Variants in RGS6 observed in about 807,000 individuals in gnomAD.
RGS6 encodes regulator of G protein signaling 6, also known as regulator of G-protein signaling 6.
In RGS6, 30 loss-of-function variants were observed where a neutral mutation model predicts 78.5. The ratio of observed to expected loss-of-function variants is 0.38; its 90% CI spans 0.29 to 0.52. RGS6 has a LOEUF of 0.52. Among genes scored for constraint, RGS6 ranks in the 20% least tolerant of loss-of-function variants. The pLI is 0.85. For synonymous variants in RGS6, 206 were observed against 206.0 expected (o/e 1.00, Z 0.00); for missense variants, 495 against 609.7 (o/e 0.81, Z 1.98).
At chr14:72,043,139 A>G (rs1438292654) in intron 2 of RGS6, among the ~76,000 whole-genome samples, 1 of 152,018 alleles carries the variant, frequency 6.6e-6, no homozygotes, top group Non-Finnish European at 1.5e-5. Flanking sequence ...TTTATTTATT[A>G]AGGGTGTTAA....
chr14:72,262,579 G>A (rs772939172), intron 2 of RGS6, among the ~76,000 whole-genome samples: 1 of 152,126 alleles, frequency 6.6e-6, no homozygotes, highest in Non-Finnish European at 1.5e-5. Flanking sequence ...ATAAATTTGG[G>A]GGCCTGGGGA....
At chr14:72,358,496 A>G (rs758622465) in intron 3 of RGS6, among the ~76,000 whole-genome samples, 2 of 152,266 alleles carry the variant, frequency 1.3e-5, no homozygotes, top group Non-Finnish European at 2.9e-5. Flanking sequence ...CATCAGCATA[A>G]CATGGGTGTG....
chr14:72,220,424 G>T (rs895789284), intron 2 of RGS6, among the ~76,000 whole-genome samples: 1 of 152,160 alleles, frequency 6.6e-6, no homozygotes, highest in South Asian at 2.1e-4. Context: ...GTAGTAATTG[G>T]TGCTGGAAAT....
At chr14:72,579,054 A>G in the RGS6 span, among the ~76,000 whole-genome samples, 3 of 152,172 alleles carry the variant, frequency 2.0e-5, no homozygotes, top group Admixed American at 1.3e-4. Flanking sequence ...TCTCACCTCT[A>G]GCTACTCCTT....
intron 3 of RGS6, among the ~76,000 whole-genome samples, chr14:72,387,870 G>A (rs887827497): frequency 7.9e-5 from 12 of 152,178 alleles, no homozygotes; most frequent in Admixed American, 2.6e-4. Context: ...TTTCTTCGGA[G>A]ACTTCTCTCC....
intron 13 of RGS6, among the ~76,000 whole-genome samples, chr14:72,509,544 A>G (rs1028301736): frequency 1.2e-4 from 19 of 152,232 alleles, no homozygotes; most frequent in African/African-American, 4.1e-4. Context: ...GTGAGGACTC[A>G]GTGGGTTAAC....
chr14:72,010,585 A>G (rs1231651716), intron 2 of RGS6, among the ~76,000 whole-genome samples: 1 of 152,196 alleles, frequency 6.6e-6, no homozygotes, highest in African/African-American at 2.4e-5. Context: ...ACTGTTAAAT[A>G]AAAATTACAG....
chr14:72,175,998 T>G lies in RGS6; in HGVS notation c.85-176097T>G, dbSNP rs17108541. Among the ~76,000 whole-genome samples the G allele has an allele frequency of 3.7e-3, 569 of 152,264 alleles. 9 individuals carry two copies. The East Asian group carries it at 0.055, about 15-fold the overall frequency. On this transcript the variant is annotated intron_variant, in intron 2 of 17. Transcript: ENST00000553525. ...CCCCAAGTTCACCACCAGGCTTCTC[T>G]CCATCTCAGAGCTTATTGGAAGGAC...
the RGS6 span, among the ~76,000 whole-genome samples, chr14:71,870,545 G>T: frequency 6.6e-6 from 1 of 152,176 alleles, no homozygotes; most frequent in Admixed American, 6.5e-5. Context: ...GCTTGTGCCT[G>T]CTCTGTAAGT....
chr14:72,040,734 A>G (rs1417501628), intron 2 of RGS6, among the ~76,000 whole-genome samples: 1 of 152,096 alleles, frequency 6.6e-6, no homozygotes, highest in Non-Finnish European at 1.5e-5. Flanking sequence ...TAATGTGTAT[A>G]TTGATCTGCT....
intron 3 of RGS6, among the ~76,000 whole-genome samples, chr14:72,364,148 A>G (rs1240835629): frequency 2.0e-5 from 3 of 152,112 alleles, no homozygotes; most frequent in Non-Finnish European, 4.4e-5. Flanking sequence ...GCACAGACCA[A>G]TCACTAGCTA....
chr14:72,024,411 A>C (rs1487414357), intron 2 of RGS6, among the ~76,000 whole-genome samples: 1 of 152,190 alleles, frequency 6.6e-6, no homozygotes, highest in Admixed American at 6.5e-5. Context: ...TCTGGGATTT[A>C]AAACCAGTTC....
rs188324221 is a variant in RGS6, at chr14:72,120,289, A to G, written c.84+155414A>G. Among the ~76,000 whole-genome samples, 3 of 152,314 alleles carry G rather than the reference A, an allele frequency of 2.0e-5. No homozygotes were observed. The East Asian group carries it at 5.8e-4, about 29-fold the overall frequency. On this transcript the variant is annotated intron_variant, in intron 2 of 17. Transcript: ENST00000553525. ...CAAATATTGTTTTAGCACAGTGGAA[A>G]CCTTCTTTCAAATGACATCTTACAC...
intron 2 of RGS6, among the ~76,000 whole-genome samples, chr14:72,084,708 G>A (rs1681964893): frequency 6.6e-6 from 1 of 151,884 alleles, no homozygotes; most frequent in Non-Finnish European, 1.5e-5. Flanking sequence ...TCTCAGGCCT[G>A]CATATGTCTG....
At chr14:71,986,556 A>G (rs1267504455) in intron 2 of RGS6, among the ~76,000 whole-genome samples, 1 of 151,904 alleles carries the variant, frequency 6.6e-6, no homozygotes, top group Non-Finnish European at 1.5e-5. Context: ...AAAAAAATAC[A>G]AAAGTTGTCT....
intron 17 of RGS6, among the ~76,000 whole-genome samples, chr14:72,544,765 CT>C (rs1185084428): frequency 1.3e-5 from 2 of 152,212 alleles, no homozygotes; most frequent in Non-Finnish European, 2.9e-5. Flanking sequence ...TTCCATCCCC[CT>C]GTTCCTTCCC....
chr14:72,015,053 C>T lies in RGS6; in HGVS notation c.84+50178C>T, dbSNP rs559277824. 1.1e-4 allele frequency among the ~76,000 whole-genome samples: 16 copies of T among 152,228 alleles called. No homozygotes were observed. In the East Asian group the frequency reaches 2.3e-3, roughly 22 times the overall value. ...ATTTGTGTTGCTATAAAGGAATACC[C>T]GAGACTGGGTAATTAATAAAGAAAA... On this transcript the variant is annotated intron_variant, in intron 2 of 17. Transcript: ENST00000553525.
chr14:72,582,601 G>A, the RGS6 span, among the ~76,000 whole-genome samples: 2 of 151,962 alleles, frequency 1.3e-5, no homozygotes, highest in East Asian at 3.9e-4. Context: ...TGTAGCTCAG[G>A]GTTTCCCTTA....
Position 72,271,048 on chromosome 14 carries a change from A to C in RGS6, c.85-81047A>C, listed in dbSNP as rs2059855280. Reference sequence around the variant, plus strand: ...CCATGCCTTTTGTTCAGATTATTACAGTGCAAGAGAAGCAGCATCAGCCAT... The same window carrying C: ...CCATGCCTTTTGTTCAGATTATTACCGTGCAAGAGAAGCAGCATCAGCCAT... On this transcript the variant is annotated intron_variant, in intron 2 of 17. Coordinates refer to ENST00000553525, the MANE Select transcript of RGS6 (RefSeq NM_001204424.2). Among the ~76,000 whole-genome samples, 9 of 152,366 alleles carry C rather than the reference A, an allele frequency of 5.9e-5. 2 individuals are homozygous for C. In the South Asian group the frequency reaches 1.9e-3, roughly 32 times the overall value.
Sources: gnomAD v4.1 joint callset for allele counts (sites outside exome capture counted in the v4.1 genomes callset) on GRCh38, gnomAD v4.1.1 for gene constraint, MANE v1.5 for transcripts, NCBI Gene and HGNC (gene_info 2026-07-23, HGNC 2026-07-21) for gene names.